CCDC50: variants seen among roughly 807,000 people sequenced by gnomAD.
CCDC50 encodes the protein coiled-coil domain-containing protein 50.
Under a neutral mutation model 70.2 loss-of-function variants are expected in CCDC50, and 54 were observed. The ratio of observed to expected loss-of-function variants is 0.77; its 90% confidence interval spans 0.62 to 0.96. The LOEUF (loss-of-function observed/expected upper bound fraction) is 0.96. CCDC50 is among the 50% of genes least tolerant of loss of function. CCDC50 has a pLI of 0.00. For missense variants in CCDC50, 558 were observed against 578.7 expected, an observed-to-expected ratio of 0.96 and a Z score of 0.37; for synonymous variants, 216 against 198.8, an observed-to-expected ratio of 1.09 and a Z score of -0.73.
chr3:191,382,280 A>T (rs1713345155), intron 9 of CCDC50, among the ~76,000 whole-genome samples: 2 of 152,162 alleles, frequency 1.3e-5, no homozygotes, highest in African/African-American at 4.8e-5. Flanking sequence ...GTTGACTTGA[A>T]TGTGCCTTAG....
At chr3:191,389,449 A>C in intron 10 of CCDC50, 47 bp from the exon 11 acceptor site, 2 of 1,450,134 alleles carry the variant, frequency 1.4e-6, no homozygotes, top group Non-Finnish European at 1.9e-6. Context: ...GTGGAGTTGT[A>C]GTAAGCGTTA....
At chr3:191,329,782 T>C (rs1717887733) in intron 1 of CCDC50, 59 bp downstream of exon 1, 2 of 1,564,650 alleles carry the variant, frequency 1.3e-6, no homozygotes, top group Admixed American at 1.9e-5. Context: ...CGAGGTTCTC[T>C]CAGGTCAGGG....
In CCDC50 at chr3:191,350,353, G is replaced by A. The variant is rs572610770; in HGVS notation, c.50-6735G>A. On this transcript the variant is annotated intron_variant, in intron 1 of 11. Transcript: ENST00000392455. ...CCCTGCTTTCAAAGCAGAGTATATA[G>A]TCCCTCTGCTACTCATAGCATTTAC... 3.4e-4 allele frequency among the ~76,000 whole-genome samples: 48 copies of A among 141,866 alleles called. 8 individuals carry two copies. The highest frequency in any genetic ancestry group is 1.1e-3 in the African/African-American group (45 of 39,870). The allele number at this position is 141,866 out of a possible 152,430, so 93.1% of individuals were successfully genotyped here.
At chr3:191,357,365 G>A (rs1240330142) in intron 2 of CCDC50, among the ~76,000 whole-genome samples, 1 of 152,150 alleles carries the variant, frequency 6.6e-6, no homozygotes, top group Non-Finnish European at 1.5e-5. Flanking sequence ...GTAGACTGCT[G>A]CGTCTGTAGG....
chr3:191,342,171 C>T (rs1261924477), intron 1 of CCDC50, among the ~76,000 whole-genome samples: 2 of 152,150 alleles, frequency 1.3e-5, no homozygotes, highest in Non-Finnish European at 2.9e-5. Context: ...TTTTGATTTC[C>T]GTAATCCAAG....
intron 1 of CCDC50, among the ~76,000 whole-genome samples, chr3:191,343,527 A>G (rs1317011464): frequency 1.3e-5 from 2 of 152,244 alleles, no homozygotes; most frequent in Non-Finnish European, 2.9e-5. Context: ...AAACTGAACA[A>G]TTTAAAAACA....
At position 191,375,132 on chromosome 3, in the gene CCDC50, T is replaced by C; in HGVS notation, c.519T>C (p.Asp173=). The change falls in exon 6 of 12, where the codon GAT becomes GAC. Residue 173 remains aspartate (D), a synonymous_variant. Coordinates refer to ENST00000392455, the MANE Select transcript of CCDC50 (RefSeq NM_178335.3). The part of the protein sequence containing the change: ...GFSRPCRLQR[D]GKTVKHKKEK... ...CAAGACCTTGTAGACTCCAAAGAGA[T>C]GGAAAGACTGTGAAGCACAAGAAAG... 3 of 1,613,554 alleles carry C rather than the reference T, an allele frequency of 1.9e-6. No individual in the cohort carries two copies. The highest frequency in any genetic ancestry group is 2.5e-6 in the Non-Finnish European group (3 of 1,179,720).
intron 1 of CCDC50, among the ~76,000 whole-genome samples, chr3:191,342,873 T>G (rs561322308): frequency 2.7e-4 from 41 of 152,370 alleles, no homozygotes; most frequent in African/African-American, 9.4e-4. Flanking sequence ...CTGTTGAGGA[T>G]GCCTTATGAC....
rs1713838560 is a variant in CCDC50 at position 191,395,670 on chromosome 3, G to C, written c.*3910G>C. 1 of 152,132 alleles carries C rather than the reference G, an allele frequency of 6.6e-6. No homozygotes were observed. Among genetic ancestry groups the C allele is most frequent in the Admixed American group, 6.5e-5 (1 of 15,270 alleles). 9.4% of individuals were successfully genotyped at this position (152,132 alleles called of 1,614,324 possible). ...TTTGAGAAGACGGTATTTGTGTAAG[G>C]AGTGCTAAGGTAGACTTCATTGTAC... is the stretch of plus-strand genomic sequence containing the variant. On this transcript the variant is annotated 3_prime_UTR_variant, in exon 12 of 12. Transcript: ENST00000392455.
chr3:191,386,216 A>ATTTTTTTTTT (rs76983981), intron 10 of CCDC50, among the ~76,000 whole-genome samples: 1 of 125,734 alleles, frequency 8.0e-6, no homozygotes, highest in African/African-American at 3.7e-5. Flanking sequence ...TAGTATGGGC[A>ATTTTTTTTTT]TTTTTTTTTT....
In CCDC50 at chr3:191,397,788, C is replaced by T. The variant is rs1713910045; in HGVS notation, c.*6028C>T. 1 of 152,158 alleles carries T rather than the reference C, an allele frequency of 6.6e-6. No individual in the cohort carries two copies. Among genetic ancestry groups the T allele is most frequent in the South Asian group, 2.1e-4 (1 of 4,822 alleles). The allele number at this position is 152,158 out of a possible 1,614,324, so 9.4% of individuals were successfully genotyped here. On this transcript the variant is annotated 3_prime_UTR_variant, in exon 12 of 12. Transcript: ENST00000392455. ...AACAAATGGATTGTTATTCCAAATCCACATGGATTTATAACCAAGCCCCAG... is the reference window on the plus strand; with the variant it reads ...AACAAATGGATTGTTATTCCAAATCTACATGGATTTATAACCAAGCCCCAG...
chr3:191,391,788 A>T lies in CCDC50; in HGVS notation c.*28A>T. On this transcript the variant is annotated 3_prime_UTR_variant, in exon 12 of 12. Transcript: ENST00000392455. ...ACCTAGGAATCTGCCTTGAAAATGG[A>T]CTCACTATAGCAAATATTACTGGGT... 1 of 1,599,938 alleles carries T rather than the reference A, an allele frequency of 6.3e-7. No individual in the cohort carries two copies. Among genetic ancestry groups the T allele is most frequent in the Non-Finnish European group, 8.6e-7 (1 of 1,167,448 alleles).
At chr3:191,347,560 C>CATA in intron 1 of CCDC50, among the ~76,000 whole-genome samples, 1 of 142,372 alleles carries the variant, frequency 7.0e-6, no homozygotes, top group African/African-American at 2.5e-5. Flanking sequence ...TTTAACTATG[C>CATA]GATCTTGGGC....
chr3:191,356,123 C>T (rs1408961137), intron 1 of CCDC50, among the ~76,000 whole-genome samples: 1 of 152,126 alleles, frequency 6.6e-6, no homozygotes, highest in Non-Finnish European at 1.5e-5. Flanking sequence ...TGGGGAATTT[C>T]CTTTTTTTAA....
chr3:191,330,321 A>G, intron 1 of CCDC50: 1 of 153,172 alleles, frequency 6.5e-6, no homozygotes, highest in Non-Finnish European at 1.4e-5. Flanking sequence ...ACACACACAC[A>G]CACACACAAT....
chr3:191,361,201 GT>G, intron 4 of CCDC50, 42 bp downstream of exon 4: 1 of 1,470,768 alleles, frequency 6.8e-7, no homozygotes, highest in Non-Finnish European at 9.5e-7. Context: ...GGAGAAAGGG[GT>G]GCTCAGCTTT....
At position 191,330,185 on chromosome 3, in the gene CCDC50, A is replaced by T. The variant is rs539588479; in HGVS notation, c.49+462A>T. Among the ~76,000 whole-genome samples the T allele has an allele frequency of 4.6e-5, 7 of 152,144 alleles. No individual in the cohort carries two copies. The South Asian group carries it at 1.5e-3, about 32-fold the overall frequency. ...CCCTCCTTCTCTCCCTACTTTTCCT[A>T]GGCCGGCGTCTGGCTGGCTGACTTT... On this transcript the variant is annotated intron_variant, in intron 1 of 11. Coordinates refer to ENST00000392455, the MANE Select transcript of CCDC50 (RefSeq NM_178335.3).
Position 191,375,580 on chromosome 3 carries a change from C to T in CCDC50, c.967C>T (p.His323Tyr), listed in dbSNP as rs759783493. 1.4e-5 allele frequency: 23 copies of T among 1,612,962 alleles called. No homozygotes were observed. Among genetic ancestry groups the T allele is most frequent in the East Asian group, 4.5e-5 (2 of 44,766 alleles). ...FSESEEQLHL[H>Y]DAGMKPRVMK... ...AGAGAGTGAGGAGCAGCTCCACCTC[C>T]ATGACGCAGGTAATAGAGGACAGTC... is the stretch of plus-strand genomic sequence containing the variant. Residue 323 changes from histidine (H) to tyrosine (Y), a missense_variant, in exon 6 of 12, where the codon CAT becomes TAT. Transcript: ENST00000392455.
chr3:191,333,516 T>A (rs1422499325), intron 1 of CCDC50, among the ~76,000 whole-genome samples: 1 of 152,186 alleles, frequency 6.6e-6, no homozygotes, highest in Non-Finnish European at 1.5e-5. Flanking sequence ...ACTTTCCCTG[T>A]TTTTCAAAAT....
Sources: allele counts gnomAD v4.1 joint callset (sites outside exome capture counted in the v4.1 genomes callset), GRCh38; gene constraint gnomAD v4.1.1; transcripts MANE v1.5; gene names NCBI Gene and HGNC (gene_info 2026-07-23, HGNC 2026-07-21).